CPNE4: variants seen among roughly 807,000 people sequenced by gnomAD.
CPNE4 encodes the protein copine-4.
CPNE4 carries 25 observed loss-of-function variants against 67.9 expected under a neutral mutation model. That is an observed-to-expected ratio of 0.37 (90% CI 0.27 to 0.51). The LOEUF (loss-of-function observed/expected upper bound fraction) is 0.51. CPNE4 is among the 20% of genes least tolerant of loss of function. The probability of loss-of-function intolerance (pLI) is 0.93; values close to 1 mark genes in which losing one functional copy is unlikely to be tolerated. For missense variants in CPNE4, 464 were observed against 690.8 expected, an observed-to-expected ratio of 0.67 and a Z score of 3.68; for synonymous variants, 242 against 244.9, an observed-to-expected ratio of 0.99 and a Z score of 0.11.
At chr3:131,757,801 G>A (rs1583150594) in intron 2 of CPNE4, among the ~76,000 whole-genome samples, 1 of 152,180 alleles carries the variant, frequency 6.6e-6, no homozygotes, top group East Asian at 1.9e-4. Context: ...GTGCAGCCTA[G>A]GGAATTGGTG....
chr3:131,949,263 G>C (rs1297372955), intron 1 of CPNE4, among the ~76,000 whole-genome samples: 2 of 151,982 alleles, frequency 1.3e-5, no homozygotes, highest in African/African-American at 4.8e-5. Context: ...GATAAATAAG[G>C]TACTCCCTTC....
At chr3:131,852,612 A>G (rs777461925) in intron 2 of CPNE4, among the ~76,000 whole-genome samples, 1 of 151,898 alleles carries the variant, frequency 6.6e-6, no homozygotes, top group Non-Finnish European at 1.5e-5. Flanking sequence ...AACAAGGTAA[A>G]GATTTCTACT....
intron 1 of CPNE4, among the ~76,000 whole-genome samples, chr3:131,969,644 T>A (rs1478889676): frequency 6.6e-6 from 1 of 152,106 alleles, no homozygotes; most frequent in Non-Finnish European, 1.5e-5. Context: ...CCAACCATCT[T>A]GGTGCACTTC....
chr3:131,771,686 G>A (rs142921512), intron 2 of CPNE4, among the ~76,000 whole-genome samples: 2 of 152,172 alleles, frequency 1.3e-5, no homozygotes, highest in African/African-American at 4.8e-5. Context: ...TGTTTTCTTT[G>A]TAAGTTACCC....
At chr3:131,900,151 A>G (rs1353565925) in intron 2 of CPNE4, among the ~76,000 whole-genome samples, 1 of 152,142 alleles carries the variant, frequency 6.6e-6, no homozygotes, top group Non-Finnish European at 1.5e-5. Flanking sequence ...AGGAAAAAAA[A>G]TCTAATAATC....
At chr3:131,901,560 C>G (rs540155175) in intron 2 of CPNE4, among the ~76,000 whole-genome samples, 3 of 152,020 alleles carry the variant, frequency 2.0e-5, no homozygotes, top group Non-Finnish European at 2.9e-5. Flanking sequence ...GAAAATATTT[C>G]CGGCCAGGCA....
chr3:131,603,398 G>A (rs1357092660), intron 7 of CPNE4, among the ~76,000 whole-genome samples: 2 of 152,170 alleles, frequency 1.3e-5, no homozygotes, highest in African/African-American at 2.4e-5. Flanking sequence ...GACTCAATAA[G>A]TGTTGCTTGG....
At chr3:131,627,899 A>T (rs1179898460) in intron 7 of CPNE4, among the ~76,000 whole-genome samples, 1 of 152,194 alleles carries the variant, frequency 6.6e-6, no homozygotes, top group Non-Finnish European at 1.5e-5. Context: ...CTTGAGATGA[A>T]ATCTACTCCT....
rs1214550198 is a variant in CPNE4 at position 131,571,520 on chromosome 3, A to G, written c.927+3551T>C. On this transcript the variant is annotated intron_variant, in intron 10 of 15. Coordinates refer to ENST00000429747, the MANE Select transcript of CPNE4 (RefSeq NM_130808.3). ...CTCGCGTATTTCCCTGACCAGGTCC[A>G]CTATGCTCTGTCAGTCAGGCACAAA... 1.3e-5 allele frequency among the ~76,000 whole-genome samples: 2 copies of G among 152,042 alleles called. 1 individual carries two copies. Among genetic ancestry groups the G allele is most frequent in the African/African-American group, 4.8e-5 (2 of 41,440 alleles).
intron 2 of CPNE4, among the ~76,000 whole-genome samples, chr3:131,785,655 CTCTCTCTT>C (rs763146313): frequency 0.047 from 6,103 of 130,526 alleles, 135 homozygotes; most frequent in African/African-American, 0.063. Context: ...AGCACTCTCT[CTCTCTCTT>C]TCTCTCTTTC....
chr3:132,001,110 G>A (rs2073420025), intron 1 of CPNE4, among the ~76,000 whole-genome samples: 1 of 151,982 alleles, frequency 6.6e-6, no homozygotes, highest in Non-Finnish European at 1.5e-5. Flanking sequence ...GTAGATGCAA[G>A]AGTTACAAGG....
intron 3 of CPNE4, among the ~76,000 whole-genome samples, chr3:131,713,953 A>T (rs996867666): frequency 6.6e-6 from 1 of 152,052 alleles, no homozygotes; most frequent in Non-Finnish European, 1.5e-5. Context: ...GGGAGCTGAG[A>T]TGATGTGATT....
At chr3:131,541,910 A>G (rs1935519569) in intron 15 of CPNE4, among the ~76,000 whole-genome samples, 1 of 152,256 alleles carries the variant, frequency 6.6e-6, no homozygotes, top group South Asian at 2.1e-4. Context: ...ACCTCAGGCG[A>G]TACACCCACC....
intron 1 of CPNE4, among the ~76,000 whole-genome samples, chr3:131,996,490 A>ATT (rs11415101): frequency 1.6e-5 from 1 of 63,264 alleles, no homozygotes; most frequent in African/African-American, 3.3e-5. Flanking sequence ...GGAGAAAATA[A>ATT]TAAAAAAAAG....
At chr3:131,566,301 G>A (rs1354629339) in intron 10 of CPNE4, among the ~76,000 whole-genome samples, 1 of 151,876 alleles carries the variant, frequency 6.6e-6, no homozygotes, top group African/African-American at 2.4e-5. Context: ...AAATGTGTGT[G>A]TATGTATGTT....
intron 2 of CPNE4, among the ~76,000 whole-genome samples, chr3:131,863,726 A>T (rs1166350689): frequency 6.6e-6 from 1 of 151,796 alleles, no homozygotes; most frequent in Non-Finnish European, 1.5e-5. Context: ...CCCATTTGTC[A>T]ATTTTGGCTT....
At chr3:131,621,941 A>G (rs1940492358) in intron 7 of CPNE4, among the ~76,000 whole-genome samples, 1 of 143,910 alleles carries the variant, frequency 6.9e-6, no homozygotes, top group South Asian at 2.3e-4. Flanking sequence ...TGAGCCCCAG[A>G]GGTGGAGACT....
At chr3:131,906,723 G>T (rs2088783136) in intron 1 of CPNE4, among the ~76,000 whole-genome samples, 1 of 151,826 alleles carries the variant, frequency 6.6e-6, no homozygotes, top group African/African-American at 2.4e-5. Context: ...ACGTGTGCAT[G>T]TGTCTTTATA....
chr3:131,652,256 C>T (rs973179490), intron 7 of CPNE4, among the ~76,000 whole-genome samples: 7 of 152,136 alleles, frequency 4.6e-5, no homozygotes, highest in African/African-American at 1.7e-4. Context: ...GGACAGCAGC[C>T]TTCTCTATCA....
Sources: gnomAD v4.1 joint callset for allele counts (sites outside exome capture counted in the v4.1 genomes callset) on GRCh38, gnomAD v4.1.1 for gene constraint, MANE v1.5 for transcripts, NCBI Gene and HGNC (gene_info 2026-07-23, HGNC 2026-07-21) for gene names.